The following COL23A1 variants were observed in gnomAD, a reference collection of about 807,000 sequenced individuals.
COL23A1 encodes the protein collagen alpha-1(XXIII) chain.
In COL23A1, 97 loss-of-function variants were observed where a neutral mutation model predicts 99.3. The observed-to-expected ratio is 0.98, with a 90% CI of 0.83 to 1.16. The LOEUF is 1.16. Ranked by LOEUF, COL23A1 falls within the 50% of genes most tolerant of loss-of-function variation. The probability of loss-of-function intolerance (pLI) is 0.00; values close to 1 mark genes in which losing one functional copy is unlikely to be tolerated. For missense variants in COL23A1, 762 were observed against 757.4 expected, an observed-to-expected ratio of 1.01 and a Z score of -0.07; for synonymous variants, 320 against 308.2, an observed-to-expected ratio of 1.04 and a Z score of -0.40.
chr5:178,529,367 C>A (rs552182163), intron 2 of COL23A1, among the ~76,000 whole-genome samples: 12 of 151,996 alleles, frequency 7.9e-5, no homozygotes, highest in African/African-American at 2.7e-4. Context: ...GGCGTGAAGC[C>A]CAGAGTCAGT....
chr5:178,494,862 A>C (rs1050474704), intron 2 of COL23A1, among the ~76,000 whole-genome samples: 2 of 152,136 alleles, frequency 1.3e-5, no homozygotes, highest in Non-Finnish European at 2.9e-5. Context: ...GAGGTGGGCC[A>C]CAGGGAACAA....
At chr5:178,574,316 A>T (rs1763244649) in intron 1 of COL23A1, among the ~76,000 whole-genome samples, 1 of 152,220 alleles carries the variant, frequency 6.6e-6, no homozygotes, top group Non-Finnish European at 1.5e-5. Context: ...GATGCTGGTC[A>T]TGGGCGCATA....
rs1759741619 is a variant in COL23A1, at chr5:178,327,307, T to TA, written c.362-20389dup. Among the ~76,000 whole-genome samples, 10 of 152,232 alleles carry TA rather than the reference T, an allele frequency of 6.6e-5. No individual in the cohort carries two copies. The South Asian group carries it at 2.1e-3, about 32-fold the overall frequency. On this transcript the variant is annotated intron_variant, in intron 2 of 28. Transcript: ENST00000390654. ...TACAGCACAGTGTGGGAAACGCTAT[T>TA]AGAGACACGTGCAGGTGCCCTGGGT... is the stretch of plus-strand genomic sequence containing the variant.
chr5:178,267,869 A>T (rs1028111770), intron 7 of COL23A1, among the ~76,000 whole-genome samples: 4 of 152,174 alleles, frequency 2.6e-5, no homozygotes, highest in African/African-American at 9.7e-5. Context: ...TGAGACCATG[A>T]CCTCATGCAA....
intron 2 of COL23A1, among the ~76,000 whole-genome samples, chr5:178,488,563 G>C (rs1401602755): frequency 6.6e-6 from 1 of 151,940 alleles, no homozygotes; most frequent in Admixed American, 6.6e-5. Context: ...ACCTATCGTT[G>C]AAGTCTTGCA....
At chr5:178,436,147 G>A (rs1016948657) in intron 2 of COL23A1, among the ~76,000 whole-genome samples, 1 of 152,202 alleles carries the variant, frequency 6.6e-6, no homozygotes, top group African/African-American at 2.4e-5. Flanking sequence ...GTCAACATGA[G>A]CAAAATGGGG....
In COL23A1 at chr5:178,306,890, TC is replaced by T; in HGVS notation, c.390del (p.Arg131GlufsTer178). ...PGPPGRRGKP[G>X]RRGDPGPPGQ... ...TGGGACTCACCAGGGTCGCCTCTTCTCCCAGGCTTGCCGCGCCGTCCAGGGG... is the reference window on the plus strand; with the variant it reads ...TGGGACTCACCAGGGTCGCCTCTTCTCCAGGCTTGCCGCGCCGTCCAGGGG... On this transcript the variant is annotated frameshift_variant, in exon 3 of 29. Transcript: ENST00000390654. LOFTEE classifies it high-confidence loss of function. This position sits in a 1 kb window ranked among gnomAD's most constrained non-coding sequence, Gnocchi z 4.1. The T allele has an allele frequency of 6.5e-7, 1 of 1,546,976 alleles. No individual in the cohort carries two copies. Among genetic ancestry groups the T allele is most frequent in the Admixed American group, 1.9e-5 (1 of 51,430 alleles).
chr5:178,419,442 G>A (rs572235179), intron 2 of COL23A1, among the ~76,000 whole-genome samples: 1 of 152,324 alleles, frequency 6.6e-6, no homozygotes, highest in African/African-American at 2.4e-5. Context: ...TCTGTGCCAG[G>A]CACTGGGCTC....
rs1449705118 is a variant in COL23A1 at position 178,428,998 on chromosome 5, G to A, written c.362-122079C>T. ...CCAGTGCTGCCCAGGCCCAGCACCCGGGGTGCGGGTGTACCTTCTTTTCTG... is the reference window on the plus strand; with the variant it reads ...CCAGTGCTGCCCAGGCCCAGCACCCAGGGTGCGGGTGTACCTTCTTTTCTG... On this transcript the variant is annotated intron_variant, in intron 2 of 28. Coordinates refer to ENST00000390654, the MANE Select transcript of COL23A1 (RefSeq NM_173465.4). This position sits in a 1 kb window ranked among gnomAD's most constrained non-coding sequence, Gnocchi z 5.0. Among the ~76,000 whole-genome samples, 3 of 152,048 alleles carry A rather than the reference G, an allele frequency of 2.0e-5. No homozygotes were observed. Among genetic ancestry groups the A allele is most frequent in the East Asian group, 1.9e-4 (1 of 5,168 alleles).
intron 2 of COL23A1, among the ~76,000 whole-genome samples, chr5:178,409,628 A>C (rs529586082): frequency 2.2e-4 from 34 of 152,378 alleles, no homozygotes; most frequent in African/African-American, 7.5e-4. Flanking sequence ...ACTATTTTTG[A>C]AACATTCTGT....
At chr5:178,572,820 C>T (rs886564348) in intron 1 of COL23A1, among the ~76,000 whole-genome samples, 5 of 152,114 alleles carry the variant, frequency 3.3e-5, no homozygotes, top group South Asian at 2.1e-4. Flanking sequence ...GTGGTATATC[C>T]ATATAGTGAA....
intron 2 of COL23A1, among the ~76,000 whole-genome samples, chr5:178,489,771 A>G (rs958426432): frequency 1.3e-5 from 2 of 152,254 alleles, no homozygotes; most frequent in African/African-American, 4.8e-5. Context: ...TCCTCGATAC[A>G]GACCCAGAGG....
At chr5:178,509,135 G>A (rs1456638556) in intron 2 of COL23A1, among the ~76,000 whole-genome samples, 1 of 152,100 alleles carries the variant, frequency 6.6e-6, no homozygotes, top group African/African-American at 2.4e-5. Flanking sequence ...AGCCCCTGAG[G>A]GCTTGTCAGA....
At chr5:178,245,300 TCATCCATCCATCCATC>T (rs144926160) in intron 25 of COL23A1, among the ~76,000 whole-genome samples, 3,777 of 133,188 alleles carry the variant, frequency 0.028, 73 homozygotes, top group Admixed American at 0.07. Flanking sequence ...ACTGCCATCA[TCATCCATCCATCCATC>T]CATCCATCCA....
intron 2 of COL23A1, among the ~76,000 whole-genome samples, chr5:178,372,930 CTTT>C (rs1183891249): frequency 3.4e-5 from 2 of 58,858 alleles, no homozygotes; most frequent in Non-Finnish European, 6.1e-5. Flanking sequence ...CTTTTTCTTT[CTTT>C]TTTTTTTTTT....
At chr5:178,358,020 G>GTGTGTATGTGTA (rs1554145057) in intron 2 of COL23A1, among the ~76,000 whole-genome samples, 6 of 142,726 alleles carry the variant, frequency 4.2e-5, no homozygotes, top group Admixed American at 2.8e-4. Flanking sequence ...GTGTGTATGT[G>GTGTGTATGTGTA]TGTGTATGCG....
intron 2 of COL23A1, among the ~76,000 whole-genome samples, chr5:178,534,562 C>T (rs965411082): frequency 1.3e-5 from 2 of 152,094 alleles, no homozygotes; most frequent in Non-Finnish European, 2.9e-5. Context: ...GGGCAGATCA[C>T]GAGGTCAGGA....
Position 178,246,584 on chromosome 5 carries a change from C to T in COL23A1, c.1297-131G>A, listed in dbSNP as rs1462907582. On this transcript the variant is annotated intron_variant, in intron 22 of 28. Coordinates refer to ENST00000390654, the MANE Select transcript of COL23A1 (RefSeq NM_173465.4). ...ATCGAGGCTCCCCCAGGCCTGGCCC[C>T]AGCTTACTCCCTGGTGAGGGTGATC... 4.6e-6 allele frequency: 4 copies of T among 861,540 alleles called. No homozygotes were observed. In the African/African-American group the frequency reaches 5.1e-5, roughly 11 times the overall value. The allele number at this position is 861,540 out of a possible 1,614,324, so 53.4% of individuals were successfully genotyped here. A position where few individuals can be genotyped will look rare whatever the true frequency, so the allele number is the denominator to read the frequency against.
At chr5:178,585,749 T>TACAGCACTGGATGGCGCTGGGGTAAC (rs1562115741) in intron 1 of COL23A1, among the ~76,000 whole-genome samples, 1 of 151,526 alleles carries the variant, frequency 6.6e-6, no homozygotes, top group African/African-American at 2.4e-5. Context: ...TGGCTGACCC[T>TACAGCACTGGATGGCGCTGGGGTAAC]GTTGGTTGCT....
Sources: allele counts gnomAD v4.1 joint callset (sites outside exome capture counted in the v4.1 genomes callset), GRCh38; gene constraint gnomAD v4.1.1; non-coding constraint Gnocchi (gnomAD v3.1); transcripts MANE v1.5; gene names NCBI Gene and HGNC (gene_info 2026-07-23, HGNC 2026-07-21).